Variants in TLK2 observed in about 807,000 individuals in gnomAD.
TLK2 encodes serine/threonine-protein kinase tousled-like 2.
A neutral mutation model predicts 117.3 loss-of-function variants in TLK2; 6 were observed. The observed-to-expected ratio is 0.05, with a 90% CI of 0.03 to 0.10. The LOEUF is 0.10. TLK2 is among the 10% of genes least tolerant of loss of function. The probability of loss-of-function intolerance (pLI) is 1.00; values close to 1 mark genes in which losing one functional copy is unlikely to be tolerated. For missense variants in TLK2, 299 were observed against 901.2 expected (o/e 0.33, Z 8.56); for synonymous variants, 257 against 316.7 (o/e 0.81, Z 2.00).
chr17:62,580,788 C>T (rs1338683271), intron 15 of TLK2, among the ~76,000 whole-genome samples: 5 of 152,122 alleles, frequency 3.3e-5, no homozygotes, highest in Admixed American at 1.3e-4. Flanking sequence ...GATTTTTCTA[C>T]GTGTTTCTGG....
rs548626227 is a variant in TLK2, at chr17:62,542,913, G to A, written c.531+6576G>A. ...CTCCTATCTCTAAATAGTTAAATAG[G>A]CATTTTTAAAAAACATGTTAACATT... On this transcript the variant is annotated intron_variant, in intron 7 of 21. Coordinates refer to ENST00000346027, the MANE Select transcript of TLK2 (RefSeq NM_006852.6). Among the ~76,000 whole-genome samples the A allele has an allele frequency of 1.0e-3, 153 of 152,044 alleles. 1 individual carries two copies. The highest frequency in any genetic ancestry group is 1.8e-3 in the Non-Finnish European group (123 of 67,978).
intron 9 of TLK2, among the ~76,000 whole-genome samples, chr17:62,554,221 A>G (rs1449094307): frequency 6.6e-6 from 1 of 152,238 alleles, no homozygotes; most frequent in Non-Finnish European, 1.5e-5. Flanking sequence ...AATAGATACC[A>G]CTAGAAAATA....
intron 12 of TLK2, 63 bp downstream of exon 12, chr17:62,573,430 T>C: frequency 6.3e-7 from 1 of 1,581,808 alleles, no homozygotes; most frequent in Non-Finnish European, 8.6e-7. Context: ...CAAATGTTGA[T>C]TGTCACCGGC....
intron 10 of TLK2, among the ~76,000 whole-genome samples, chr17:62,560,930 A>G (rs931571297): frequency 2.6e-5 from 4 of 151,706 alleles, no homozygotes; most frequent in African/African-American, 9.7e-5. Flanking sequence ...GCATCCATCA[A>G]CTCGTCATTT....
chr17:62,482,899 TAGAGCTGTGACAA>T (rs2071858276), intron 2 of TLK2, among the ~76,000 whole-genome samples: 1 of 152,212 alleles, frequency 6.6e-6, no homozygotes, highest in African/African-American at 2.4e-5. Context: ...AGATCTGTAT[TAGAGCTGTGACAA>T]GGTGCTGTGG....
Position 62,494,483 on chromosome 17 carries a change from C to T in TLK2, c.81+13277C>T, listed in dbSNP as rs531992041. On this transcript the variant is annotated intron_variant, in intron 2 of 21. Coordinates refer to ENST00000346027, the MANE Select transcript of TLK2 (RefSeq NM_006852.6). ...TGTTGGCCAGGCTGATCTCGAACTC[C>T]TGACCTCAAGGGATCTGCCTGCCTT... Among the ~76,000 whole-genome samples, 11 of 152,306 alleles carry T rather than the reference C, an allele frequency of 7.2e-5. No homozygotes were observed. The South Asian group carries it at 1.9e-3, about 26-fold the overall frequency.
rs199892001 is a variant in TLK2 at position 62,522,312 on chromosome 17, A to G, written c.223+39A>G. On this transcript the variant is annotated intron_variant, in intron 4 of 21. Coordinates refer to ENST00000346027, the MANE Select transcript of TLK2 (RefSeq NM_006852.6). ...CGTATCAACAAAAGTACTCAATTCT[A>G]ATGTACTTAGATAGAATTTTCTAAC... 3.0e-4 allele frequency: 478 copies of G among 1,585,088 alleles called. 1 individual carries two copies. The highest frequency in any genetic ancestry group is 3.9e-4 in the Non-Finnish European group (453 of 1,162,770).
At chr17:62,533,602 G>A (rs536141739) in intron 6 of TLK2, among the ~76,000 whole-genome samples, 40 of 151,516 alleles carry the variant, frequency 2.6e-4, no homozygotes, top group Non-Finnish European at 4.9e-4. Flanking sequence ...TCAGCTTCCC[G>A]AGTAGCTGGG....
chr17:62,581,054 C>G (rs2081180007), intron 15 of TLK2, among the ~76,000 whole-genome samples: 1 of 151,738 alleles, frequency 6.6e-6, no homozygotes, highest in Non-Finnish European at 1.5e-5. Context: ...GCTCTATTGC[C>G]CAGGCTGGAG....
At chr17:62,494,931 C>G (rs1286450544) in intron 2 of TLK2, among the ~76,000 whole-genome samples, 1 of 151,990 alleles carries the variant, frequency 6.6e-6, no homozygotes, top group African/African-American at 2.4e-5. Flanking sequence ...TTTGGGAGAC[C>G]GAGGCAGGTG....
intron 2 of TLK2, chr17:62,516,458 G>A (rs1472163724): frequency 1.3e-6 from 2 of 1,594,556 alleles, no homozygotes; most frequent in East Asian, 2.3e-5. Context: ...TTAGGCCGAG[G>A]CCTGCCAGTC....
chr17:62,481,697 T>G (rs1232299789), intron 2 of TLK2, among the ~76,000 whole-genome samples: 10 of 152,162 alleles, frequency 6.6e-5, no homozygotes, highest in Non-Finnish European at 1.5e-4. Flanking sequence ...TTTTTATTTT[T>G]GTTGCAGGAG....
chr17:62,612,220 C>T (rs993309528), intron 21 of TLK2, 172 bp from the exon 22 acceptor site: 2 of 596,748 alleles, frequency 3.4e-6, no homozygotes, highest in Non-Finnish European at 2.8e-6. Flanking sequence ...GTTGGTGCTT[C>T]TCCTTCCCTT....
rs538576327 is a variant in TLK2 at position 62,536,735 on chromosome 17, T to C, written c.531+398T>C. The stretch of plus-strand genomic sequence containing the variant: ...TACTCAAGTCAGTACAGTTTTAGTA[T>C]GTAGGCAGGCATTCTCACAGCAAGT... On this transcript the variant is annotated intron_variant, in intron 7 of 21. Transcript: ENST00000346027. Among the ~76,000 whole-genome samples the C allele has an allele frequency of 2.0e-5, 3 of 152,258 alleles. No homozygotes were observed. In the East Asian group the frequency reaches 5.8e-4, roughly 29 times the overall value.
intron 2 of TLK2, among the ~76,000 whole-genome samples, chr17:62,492,708 C>G (rs2073229620): frequency 6.6e-6 from 1 of 152,064 alleles, no homozygotes; most frequent in African/African-American, 2.4e-5. Flanking sequence ...ATCCACCCAC[C>G]TTGGCCTCCC....
upstream of TLK2, among the ~76,000 whole-genome samples, chr17:62,474,577 T>C (rs2071002245): frequency 1.4e-5 from 2 of 147,936 alleles, no homozygotes; most frequent in African/African-American, 2.5e-5. Context: ...ACCCGGCTAA[T>C]TTTTTTTTTA....
rs922125740 is a variant in TLK2 at position 62,479,001 on chromosome 17, CAGG to C, written c.-291_-289del. 1 of 150,776 alleles carries C rather than the reference CAGG, an allele frequency of 6.6e-6. No homozygotes were observed. Among genetic ancestry groups the C allele is most frequent in the Non-Finnish European group, 1.5e-5 (1 of 67,538 alleles). 9.3% of individuals were successfully genotyped at this position (150,776 alleles called of 1,614,324 possible). A position where few individuals can be genotyped will look rare whatever the true frequency, so the allele number is the denominator to read the frequency against. The stretch of plus-strand genomic sequence containing the variant: ...GCCTCCCTTGGCCTTTGTCCGGCGC[CAGG>C]AGGCCGGTCCCGCGCCCCCCGCGGC... On this transcript the variant is annotated 5_prime_UTR_variant, in exon 1 of 22. Coordinates refer to ENST00000346027, the MANE Select transcript of TLK2 (RefSeq NM_006852.6).
chr17:62,544,199 C>A (rs567263757), intron 7 of TLK2, among the ~76,000 whole-genome samples: 1 of 152,134 alleles, frequency 6.6e-6, no homozygotes, highest in East Asian at 1.9e-4. Flanking sequence ...TTATATTAGC[C>A]CATTCTCACA....
At chr17:62,608,288 C>T (rs78154405) in intron 21 of TLK2, 140 bp downstream of exon 21, 7,909 of 672,984 alleles carry the variant, frequency 0.012, 240 homozygotes, top group Admixed American at 0.099. Context: ...AATTAATGTT[C>T]CTAAGAACAC....
Sources: gnomAD v4.1 joint callset for allele counts (sites outside exome capture counted in the v4.1 genomes callset) on GRCh38, gnomAD v4.1.1 for gene constraint, MANE v1.5 for transcripts, NCBI Gene and HGNC (gene_info 2026-07-23, HGNC 2026-07-21) for gene names.